GALNTL6: variants seen among roughly 807,000 people sequenced by gnomAD.
GALNTL6 encodes polypeptide N-acetylgalactosaminyltransferase-like 6.
Under a neutral mutation model 73.7 loss-of-function variants are expected in GALNTL6, and 46 were observed. The ratio of observed to expected loss-of-function variants is 0.62; its 90% CI spans 0.49 to 0.80. GALNTL6 has a LOEUF of 0.80. Ranked by LOEUF, GALNTL6 falls within the 30% of genes least tolerant of loss-of-function variation. The pLI is 0.00. For missense variants in GALNTL6, 604 were observed against 755.0 expected (o/e 0.80, Z 2.34); for synonymous variants, 259 against 263.7 (o/e 0.98, Z 0.17).
chr4:172,334,059 T>A (rs1741225822), intron 4 of GALNTL6, among the ~76,000 whole-genome samples: 1 of 152,224 alleles, frequency 6.6e-6, no homozygotes, highest in Non-Finnish European at 1.5e-5. Flanking sequence ...TCTATTTTTA[T>A]ACCAATACCA....
At chr4:172,414,162 A>G (rs1198294359) in intron 5 of GALNTL6, among the ~76,000 whole-genome samples, 2 of 152,146 alleles carry the variant, frequency 1.3e-5, no homozygotes, top group Non-Finnish European at 2.9e-5. Context: ...CACCCAAACT[A>G]GTAGTCATAA....
intron 10 of GALNTL6, among the ~76,000 whole-genome samples, chr4:173,005,625 C>A (rs1752245089): frequency 6.6e-6 from 1 of 152,058 alleles, no homozygotes; most frequent in Non-Finnish European, 1.5e-5. Context: ...AGTTTGTGAG[C>A]AAAATGAGAG....
At position 172,206,831 on chromosome 4, in the gene GALNTL6, T is replaced by G. The variant is rs1158250810; in HGVS notation, c.139-22825T>G. 5.3e-5 allele frequency among the ~76,000 whole-genome samples: 6 copies of G among 112,812 alleles called. 1 individual carries two copies. Among genetic ancestry groups the G allele is most frequent in the African/African-American group, 9.0e-5 (3 of 33,492 alleles). 74.0% of individuals were successfully genotyped at this position (112,812 alleles called of 152,430 possible). On this transcript the variant is annotated intron_variant, in intron 2 of 12. Coordinates refer to ENST00000506823, the MANE Select transcript of GALNTL6 (RefSeq NM_001034845.3). ...TTTTTTTTGTTTGTTTTTTTTTTTT[T>G]TTTTGAGACGGAGTCTCACTCTGTC...
intron 2 of GALNTL6, among the ~76,000 whole-genome samples, chr4:172,134,412 T>C (rs866038977): frequency 2.0e-5 from 3 of 149,506 alleles, no homozygotes; most frequent in Non-Finnish European, 4.4e-5. Flanking sequence ...ACAGTGGACA[T>C]GAGAAAATGA....
chr4:172,652,944 A>C (rs975530066), intron 5 of GALNTL6, among the ~76,000 whole-genome samples: 9 of 152,028 alleles, frequency 5.9e-5, no homozygotes, highest in Non-Finnish European at 1.3e-4. Flanking sequence ...TACGATTTTC[A>C]AATATTTGGT....
intron 9 of GALNTL6, among the ~76,000 whole-genome samples, chr4:172,940,057 AAAAG>A (rs1748836417): frequency 6.6e-6 from 1 of 152,226 alleles, no homozygotes; most frequent in Non-Finnish European, 1.5e-5. Context: ...TAGACACTAA[AAAAG>A]AAAGTAAAAT....
At position 172,596,070 on chromosome 4, in the gene GALNTL6, C is replaced by T. The variant is rs184864707; in HGVS notation, c.554-213291C>T. ...AAGAATTACTATTACATTTTAAATA[C>T]GACTTTTCTTTTTACTAATTTATTC... On this transcript the variant is annotated intron_variant, in intron 5 of 12. Coordinates refer to ENST00000506823, the MANE Select transcript of GALNTL6 (RefSeq NM_001034845.3). 1.3e-3 allele frequency among the ~76,000 whole-genome samples: 203 copies of T among 152,114 alleles called. 1 individual carries two copies. The highest frequency in any genetic ancestry group is 4.7e-3 in the African/African-American group (194 of 41,498).
chr4:172,568,774 A>AT (rs1430916194), intron 5 of GALNTL6, among the ~76,000 whole-genome samples: 3 of 150,682 alleles, frequency 2.0e-5, no homozygotes, highest in South Asian at 2.1e-4. Context: ...AAAAAAAAAA[A>AT]AAAAAGTAAC....
chr4:172,252,882 G>A (rs1432603848), intron 3 of GALNTL6, among the ~76,000 whole-genome samples: 3 of 151,126 alleles, frequency 2.0e-5, no homozygotes, highest in Non-Finnish European at 4.4e-5. Flanking sequence ...AGCAATGAAA[G>A]ATTAAGGAAA....
intron 2 of GALNTL6, among the ~76,000 whole-genome samples, chr4:171,957,120 G>C (rs1454889443): frequency 6.6e-5 from 10 of 152,150 alleles, no homozygotes; most frequent in African/African-American, 2.4e-4. Flanking sequence ...GTTAAAAGTA[G>C]TTTTCTCAGG....
chr4:172,840,977 T>C (rs968713721), intron 7 of GALNTL6, among the ~76,000 whole-genome samples: 9 of 152,170 alleles, frequency 5.9e-5, no homozygotes, highest in Admixed American at 2.0e-4. Flanking sequence ...CCAGCAGTCC[T>C]TCAGGTGTGC....
intron 5 of GALNTL6, among the ~76,000 whole-genome samples, chr4:172,542,419 G>C (rs1359364739): frequency 6.6e-6 from 1 of 152,134 alleles, no homozygotes; most frequent in Non-Finnish European, 1.5e-5. Flanking sequence ...GGCGTTCTTT[G>C]TTAGAAAATG....
At chr4:172,180,028 T>C (rs1396974207) in intron 2 of GALNTL6, among the ~76,000 whole-genome samples, 2 of 152,228 alleles carry the variant, frequency 1.3e-5, no homozygotes, top group African/African-American at 4.8e-5. Flanking sequence ...CACACTGTCT[T>C]CCACAATGGT....
chr4:172,936,464 GA>G (rs1748625564), intron 9 of GALNTL6, among the ~76,000 whole-genome samples: 1 of 152,176 alleles, frequency 6.6e-6, no homozygotes, highest in African/African-American at 2.4e-5. Flanking sequence ...ATTCAAATAG[GA>G]AAAGAGGAAG....
At chr4:172,156,545 A>ATATATATATATATATATATATAG (rs1734281970) in intron 2 of GALNTL6, among the ~76,000 whole-genome samples, 1 of 67,342 alleles carries the variant, frequency 1.5e-5, no homozygotes, top group African/African-American at 7.3e-5. Context: ...TATATAATAT[A>ATATATATATATATATATATATAG]TATATATATA....
rs186746419 is a variant in GALNTL6, at chr4:172,242,843, C to T, written c.247+13079C>T. On this transcript the variant is annotated intron_variant, in intron 3 of 12. Coordinates refer to ENST00000506823, the MANE Select transcript of GALNTL6 (RefSeq NM_001034845.3). ...GTGCCCTCGCTGTTTATTGGCACTG[C>T]GGCCATTCTGATGCAAACCACCAAT... 5.8e-4 allele frequency among the ~76,000 whole-genome samples: 89 copies of T among 152,322 alleles called. 2 individuals carry two copies. In the East Asian group the frequency reaches 0.012, roughly 20 times the overall value.
chr4:172,217,200 A>T (rs1736523286), intron 2 of GALNTL6, among the ~76,000 whole-genome samples: 1 of 152,144 alleles, frequency 6.6e-6, no homozygotes, highest in South Asian at 2.1e-4. Context: ...AGATCTAGCA[A>T]TGTTAATAGA....
At chr4:172,211,014 C>CT (rs1268647338) in intron 2 of GALNTL6, among the ~76,000 whole-genome samples, 1 of 152,170 alleles carries the variant, frequency 6.6e-6, no homozygotes, top group African/African-American at 2.4e-5. Flanking sequence ...TTTGAAAGCT[C>CT]TTTCAGTTGG....
intron 5 of GALNTL6, among the ~76,000 whole-genome samples, chr4:172,553,433 G>A (rs7670427): frequency 0.88 from 133,499 of 152,184 alleles, 58,624 homozygotes; most frequent in African/African-American, 0.92. Context: ...CCAGCTGCCA[G>A]TTGTTCATAA....
Sources: gnomAD v4.1 joint callset for allele counts (sites outside exome capture counted in the v4.1 genomes callset) on GRCh38, gnomAD v4.1.1 for gene constraint, MANE v1.5 for transcripts, NCBI Gene and HGNC (gene_info 2026-07-23, HGNC 2026-07-21) for gene names.